ZNF263: variants seen among roughly 807,000 people sequenced by gnomAD.
ZNF263 encodes zinc finger protein 263.
Under a neutral mutation model 63.1 loss-of-function variants are expected in ZNF263, and 49 were observed. The ratio of observed to expected loss-of-function variants is 0.78; its 90% CI spans 0.62 to 0.99. ZNF263 has a LOEUF of 0.99. ZNF263 is among the 50% of genes least tolerant of loss of function. The pLI is 0.00. For synonymous variants in ZNF263, 352 were observed against 324.2 expected (o/e 1.09, Z -0.92); for missense variants, 872 against 854.8 (o/e 1.02, Z -0.25).
chr16:3,285,882 C>A lies in ZNF263; in HGVS notation c.642+128C>A, dbSNP rs886149127. 4.6e-6 allele frequency: 7 copies of A among 1,534,810 alleles called. No individual in the cohort carries two copies. In the African/African-American group the frequency reaches 9.6e-5, roughly 21 times the overall value. ...GTCTCCCCCACTGCTTTGTCTATTT[C>A]ACACCTCACTTGGAGGCCTGATACC... On this transcript the variant is annotated intron_variant, in intron 3 of 5. Transcript: ENST00000219069.
At position 3,289,631 on chromosome 16, in the gene ZNF263, G is replaced by C. The variant is rs1959524751; in HGVS notation, c.1125G>C (p.Lys375Asn). The C allele has an allele frequency of 6.2e-7, 1 of 1,614,082 alleles. No homozygotes were observed. Among genetic ancestry groups the C allele is most frequent in the Non-Finnish European group, 8.5e-7 (1 of 1,180,052 alleles). The change falls in exon 6 of 6, where the codon AAG becomes AAC. Residue 375 changes from lysine to asparagine, a missense_variant. Lys to Asn is a moderately conservative substitution (Grantham distance 94). Transcript: ENST00000219069. ...ELGRPKELQPKKLHLCPLCGK... is the reference protein window; with the variant it reads ...ELGRPKELQPNKLHLCPLCGK... Reference sequence around the variant, plus strand: ...GGCGACCGAAGGAACTGCAGCCAAAGAAACTCCATTTATGTCCCTTGTGTG... The same window carrying C: ...GGCGACCGAAGGAACTGCAGCCAAACAAACTCCATTTATGTCCCTTGTGTG...
downstream of ZNF263, among the ~76,000 whole-genome samples, chr16:3,295,217 G>T (rs538284213): frequency 2.8e-3 from 420 of 152,244 alleles, 1 homozygote; most frequent in African/African-American, 9.5e-3. Context: ...CCCGGGCCTC[G>T]GGGCTGCCGC....
In ZNF263 at chr16:3,285,685, A is replaced by T. The variant is rs763297120; in HGVS notation, c.573A>T (p.Leu191Phe). 2.5e-5 allele frequency: 41 copies of T among 1,614,006 alleles called. No individual in the cohort carries two copies. The highest frequency in any genetic ancestry group is 3.2e-5 in the Non-Finnish European group (38 of 1,180,020). Residue 191 changes from leucine (L) to phenylalanine (F), a missense_variant, in exon 3 of 6, where the codon TTA (leucine) becomes TTT (phenylalanine). Coordinates refer to ENST00000219069, the MANE Select transcript of ZNF263 (RefSeq NM_005741.5). ...TATAATTTCTGTCACCTTCAGCATTATCTGCTCCCTGGCTTTCTCTTTTTC... is the reference window on the plus strand; with the variant it reads ...TATAATTTCTGTCACCTTCAGCATTTTCTGCTCCCTGGCTTTCTCTTTTTC... ...RDPQAVKERA[L>F]SAPWLSLFPP...
intron 4 of ZNF263, chr16:3,286,843 G>A (rs1328159573): frequency 6.6e-6 from 1 of 152,194 alleles, no homozygotes; most frequent in African/African-American, 2.4e-5. Context: ...CTGTATGTAT[G>A]AGAATTCTTT....
chr16:3,298,693 A>G (rs1338520440), intron 1 of ZNF263: 1 of 240,490 alleles, frequency 4.2e-6, no homozygotes, highest in Admixed American at 5.5e-5. Flanking sequence ...CGATATGATT[A>G]CAAACTAATG....
rs770138722 is a variant in ZNF263, at chr16:3,285,697, G to C, written c.585G>C (p.Trp195Cys). ...CACCTTCAGCATTATCTGCTCCCTG[G>C]CTTTCTCTTTTTCCTCCTGAAGGGA... ...AVKERALSAP[W>C]LSLFPPEGNM... Residue 195 changes from tryptophan (W) to cysteine (C), a missense_variant, in exon 3 of 6, where the codon TGG becomes TGC. By Grantham distance (215) the Trp-to-Cys change is radical. Transcript: ENST00000219069. The C allele has an allele frequency of 1.2e-6, 2 of 1,613,988 alleles. No individual in the cohort carries two copies. Among genetic ancestry groups the C allele is most frequent in the Non-Finnish European group, 1.7e-6 (2 of 1,180,012 alleles).
At chr16:3,295,137 C>G (rs1959710335), downstream of ZNF263, among the ~76,000 whole-genome samples, 2 of 152,186 alleles carry the variant, frequency 1.3e-5, no homozygotes, top group Non-Finnish European at 2.9e-5. Context: ...CAGGCTTGGG[C>G]AAAGCAGACG....
rs772676928 is a variant in ZNF263, at chr16:3,289,410, A to G, written c.904A>G (p.Asn302Asp). Residue 302 changes from asparagine to aspartate, a missense_variant, in exon 6 of 6, where the codon AAC becomes GAC. Transcript: ENST00000219069. Reference sequence around the variant, plus strand: ...TCTACCAGGAGAAGAGAAATTTGAGAACCTGGAAGGTGTTCCGTCTGTATG... The same window carrying G: ...TCTACCAGGAGAAGAGAAATTTGAGGACCTGGAAGGTGTTCCGTCTGTATG... Reference protein sequence around the residue: ...GPAPGEEKFENLEGVPSVCSE... With the variant: ...GPAPGEEKFEDLEGVPSVCSE... The G allele has an allele frequency of 2.6e-6, 4 of 1,509,768 alleles. No individual in the cohort carries two copies. The highest frequency in any genetic ancestry group is 2.7e-5 in the South Asian group (2 of 72,802). The allele number at this position is 1,509,768 out of a possible 1,614,324, so 93.5% of individuals were successfully genotyped here. A position where few individuals can be genotyped will look rare whatever the true frequency, so the allele number is the denominator to read the frequency against.
intron 2 of ZNF263, chr16:3,299,820 C>A (rs1161528909): frequency 6.3e-7 from 1 of 1,588,790 alleles, no homozygotes; most frequent in Non-Finnish European, 8.5e-7. Context: ...TTTGAAAAAA[C>A]CATTCTGAAA....
At chr16:3,284,506 T>TA (rs1049142730) in intron 1 of ZNF263, among the ~76,000 whole-genome samples, 2 of 152,248 alleles carry the variant, frequency 1.3e-5, no homozygotes, top group African/African-American at 4.8e-5. Context: ...TTTGGCAAGT[T>TA]ACTTGATCTC....
downstream of ZNF263, among the ~76,000 whole-genome samples, chr16:3,296,350 A>AG: frequency 6.6e-6 from 1 of 152,332 alleles, no homozygotes; most frequent in African/African-American, 2.4e-5. Flanking sequence ...CCAAACTAAA[A>AG]GGAACTAGAG....
Position 3,284,946 on chromosome 16 carries a change from C to T in ZNF263, c.388-113C>T. 3.8e-6 allele frequency: 5 copies of T among 1,332,844 alleles called. No homozygotes were observed. In the South Asian group the frequency reaches 5.5e-5, roughly 15 times the overall value. The allele number at this position is 1,332,844 out of a possible 1,614,324, so 82.6% of individuals were successfully genotyped here. A position where few individuals can be genotyped will look rare whatever the true frequency, so the allele number is the denominator to read the frequency against. ...GTAAACCATTTTTCTGTTACCTGGG[C>T]CCAAAGGGATCGCCTGAGGTTCTCT... On this transcript the variant is annotated intron_variant, in intron 1 of 5. Transcript: ENST00000219069.
chr16:3,284,265 T>G, intron 1 of ZNF263, 60 bp downstream of exon 1: 2 of 1,446,804 alleles, frequency 1.4e-6, no homozygotes, highest in South Asian at 3.2e-5. Context: ...ACTGGGACAT[T>G]GCGCCCCCGG....
At chr16:3,286,207 G>C in intron 4 of ZNF263, 58 bp downstream of exon 4, 1 of 1,523,426 alleles carries the variant, frequency 6.6e-7, no homozygotes, top group Non-Finnish European at 8.7e-7. Context: ...GGTCCTGCCC[G>C]TTATTCATTC....
chr16:3,285,009 C>T (rs1240005763), intron 1 of ZNF263, 50 bp from the exon 2 acceptor site: 1 of 1,601,406 alleles, frequency 6.2e-7, no homozygotes, highest in Non-Finnish European at 8.5e-7. Flanking sequence ...ACTAATTTCC[C>T]TTCCTCTTGG....
At chr16:3,291,544 T>C (rs1453798061), downstream of ZNF263, 1 of 964,354 alleles carries the variant, frequency 1.0e-6, no homozygotes, top group Non-Finnish European at 1.2e-6. Flanking sequence ...GAGGCCCTGC[T>C]TTCTCATAGA....
chr16:3,297,404 T>C (rs1959780197), intron 1 of ZNF263, among the ~76,000 whole-genome samples: 1 of 150,738 alleles, frequency 6.6e-6, no homozygotes, highest in Admixed American at 6.6e-5. Flanking sequence ...TTTTATACTA[T>C]AATTGCCTAG....
chr16:3,289,277 T>C, intron 5 of ZNF263, 116 bp from the exon 6 acceptor site: 2 of 1,121,366 alleles, frequency 1.8e-6, no homozygotes, highest in East Asian at 5.0e-5. Flanking sequence ...GATGGGATTC[T>C]GAGGTAGAAG....
intron 4 of ZNF263, among the ~76,000 whole-genome samples, chr16:3,287,501 A>G (rs577814343): frequency 6.9e-6 from 1 of 145,200 alleles, no homozygotes; most frequent in East Asian, 2.0e-4. Flanking sequence ...TGCCTTAGTC[A>G]GGAAGTGTGC....
Sources: gnomAD v4.1 joint callset for allele counts (sites outside exome capture counted in the v4.1 genomes callset) on GRCh38, gnomAD v4.1.1 for gene constraint, MANE v1.5 for transcripts, NCBI Gene and HGNC (gene_info 2026-07-23, HGNC 2026-07-21) for gene names.